The following EHMT1 variants were observed in gnomAD, a reference collection of about 807,000 sequenced individuals.
EHMT1 encodes histone-lysine N-methyltransferase EHMT1.
EHMT1 carries 15 observed loss-of-function variants against 147.2 expected under a neutral mutation model. The ratio of observed to expected loss-of-function variants is 0.10; its 90% CI spans 0.07 to 0.16. The LOEUF is 0.16. EHMT1 is among the 10% of genes least tolerant of loss of function. EHMT1 has a pLI of 1.00. For missense variants in EHMT1, 1,587 were observed against 1,772.4 expected, an observed-to-expected ratio of 0.90 and a Z score of 1.88; for synonymous variants, 795 against 709.6, an observed-to-expected ratio of 1.12 and a Z score of -1.91.
intron 1 of EHMT1, among the ~76,000 whole-genome samples, chr9:137,669,548 CGCACA>C (rs1940271874): frequency 5.4e-5 from 1 of 18,430 alleles, no homozygotes; most frequent in East Asian, 1.3e-3. Flanking sequence ...CAAGACGCCC[CGCACA>C]GCACGTGCAC....
At chr9:137,647,273 CTT>C (rs972532828) in intron 1 of EHMT1, among the ~76,000 whole-genome samples, 8 of 152,162 alleles carry the variant, frequency 5.3e-5, no homozygotes, top group African/African-American at 1.9e-4. Flanking sequence ...AGGCTGACCT[CTT>C]TGCTGTGGCT....
At chr9:137,706,207 C>A (rs1301245848) in intron 1 of EHMT1, among the ~76,000 whole-genome samples, 7 of 152,168 alleles carry the variant, frequency 4.6e-5, no homozygotes, top group Admixed American at 4.6e-4. Flanking sequence ...TAGGTTGGGG[C>A]TCCTGAGGGA....
intron 1 of EHMT1, among the ~76,000 whole-genome samples, chr9:137,674,654 C>T (rs994814185): frequency 1.3e-5 from 2 of 152,202 alleles, no homozygotes; most frequent in Non-Finnish European, 2.9e-5. Flanking sequence ...GTATATTCTT[C>T]CAGTAGTTGT....
chr9:137,761,182 T>G (rs1439137220), intron 9 of EHMT1, among the ~76,000 whole-genome samples: 2 of 152,166 alleles, frequency 1.3e-5, no homozygotes, highest in South Asian at 2.1e-4. Flanking sequence ...AACACCCCAC[T>G]GGTTCATGAC....
At chr9:137,651,661 G>A (rs1937832987) in intron 1 of EHMT1, among the ~76,000 whole-genome samples, 1 of 152,116 alleles carries the variant, frequency 6.6e-6, no homozygotes, top group South Asian at 2.1e-4. Context: ...TGGGCCTGTT[G>A]GCACACACTT....
At chr9:137,675,405 AGGG>A (rs869227496) in intron 1 of EHMT1, among the ~76,000 whole-genome samples, 1 of 111,402 alleles carries the variant, frequency 9.0e-6, no homozygotes, top group Non-Finnish European at 2.1e-5. Context: ...GGTGACCAAT[AGGG>A]GGGTTGGTGT....
chr9:137,658,967 A>C (rs980744706), intron 1 of EHMT1, among the ~76,000 whole-genome samples: 1 of 152,118 alleles, frequency 6.6e-6, no homozygotes, highest in Non-Finnish European at 1.5e-5. Context: ...GCTGGAGTGG[A>C]ACTGCTGAAC....
intron 16 of EHMT1, among the ~76,000 whole-genome samples, chr9:137,793,844 A>G (rs946610773): frequency 5.3e-5 from 8 of 152,202 alleles, no homozygotes; most frequent in Admixed American, 2.0e-4. Context: ...AGGGAGATTC[A>G]TAGAGACAGA....
chr9:137,660,699 CTCTT>C (rs1222807292), intron 1 of EHMT1, among the ~76,000 whole-genome samples: 1 of 152,168 alleles, frequency 6.6e-6, no homozygotes, highest in Non-Finnish European at 1.5e-5. Flanking sequence ...GTATATTTCT[CTCTT>C]CATTTAGTTT....
intron 13 of EHMT1, 114 bp downstream of exon 13, chr9:137,778,169 C>A: frequency 2.3e-6 from 3 of 1,299,106 alleles, no homozygotes; most frequent in South Asian, 1.2e-5. Context: ...TAATGCTGTT[C>A]GTTAGAATAA....
At chr9:137,678,138 C>CTAG (rs1941565662) in intron 1 of EHMT1, among the ~76,000 whole-genome samples, 1 of 152,092 alleles carries the variant, frequency 6.6e-6, no homozygotes, top group African/African-American at 2.4e-5. Flanking sequence ...AGATTAAAAA[C>CTAG]TAGTATATAA....
At chr9:137,797,491 C>T (rs1953060631) in intron 16 of EHMT1, among the ~76,000 whole-genome samples, 1 of 152,192 alleles carries the variant, frequency 6.6e-6, no homozygotes, top group Admixed American at 6.5e-5. Flanking sequence ...GGTGCACCTG[C>T]TTCTGTCCTG....
At chr9:137,800,763 C>A in intron 17 of EHMT1, 117 bp from the exon 18 acceptor site, 1 of 824,630 alleles carries the variant, frequency 1.2e-6, no homozygotes. Context: ...CTGAGTGAGA[C>A]GCCTGCACGA....
Position 137,749,756 on chromosome 9 carries a change from G to C in EHMT1, c.1171-2575G>C, listed in dbSNP as rs529630855. On this transcript the variant is annotated intron_variant, in intron 6 of 26. Coordinates refer to ENST00000460843, the MANE Select transcript of EHMT1 (RefSeq NM_024757.5). Reference sequence around the variant, plus strand: ...CTTCCTTAAAAGTCGCTTTGCCAGAGTTTTGGAAGGAAGTGGAGTTAGCTG... The same window carrying C: ...CTTCCTTAAAAGTCGCTTTGCCAGACTTTTGGAAGGAAGTGGAGTTAGCTG... 7.9e-5 allele frequency among the ~76,000 whole-genome samples: 12 copies of C among 152,340 alleles called. No homozygotes were observed. The South Asian group carries it at 2.5e-3, about 32-fold the overall frequency.
chr9:137,629,912 C>T lies in EHMT1; in HGVS notation c.21+10863C>T, dbSNP rs181655205. On this transcript the variant is annotated intron_variant, in intron 1 of 26. Coordinates refer to ENST00000460843, the MANE Select transcript of EHMT1 (RefSeq NM_024757.5). ...ATTACTTCCAGGACTGAGAATTCTC[C>T]TTTCTTACTGTTTTGCTTCTCTTTA... Among the ~76,000 whole-genome samples, 23 of 152,228 alleles carry T rather than the reference C, an allele frequency of 1.5e-4. No individual in the cohort carries two copies. In the East Asian group the frequency reaches 3.7e-3, roughly 24 times the overall value.
Position 137,776,920 on chromosome 9 carries a change from G to T in EHMT1, c.2018+76G>T. 7.3e-7 allele frequency: 1 copy of T among 1,373,146 alleles called. No individual in the cohort carries two copies. 85.1% of individuals were successfully genotyped at this position (1,373,146 alleles called of 1,614,324 possible). On this transcript the variant is annotated intron_variant, in intron 12 of 26. Transcript: ENST00000460843. This position sits in a 1 kb window ranked among gnomAD's most constrained non-coding sequence, Gnocchi z 4.4. ...TTTCAGTTGTTAACTCAACGTTATT[G>T]CTTCCTGCTGTTTTTTCCAGAAGTC...
At chr9:137,636,269 A>T (rs1445456608) in intron 1 of EHMT1, among the ~76,000 whole-genome samples, 1 of 152,164 alleles carries the variant, frequency 6.6e-6, no homozygotes, top group African/African-American at 2.4e-5. Context: ...TGATTTTTAT[A>T]TATTGGATCT....
In EHMT1 at chr9:137,732,646, C is replaced by G. The variant is rs1023822192; in HGVS notation, c.823+4117C>G. Among the ~76,000 whole-genome samples, 1 of 152,212 alleles carries G rather than the reference C, an allele frequency of 6.6e-6. No homozygotes were observed. Among genetic ancestry groups the G allele is most frequent in the African/African-American group, 2.4e-5 (1 of 41,454 alleles). On this transcript the variant is annotated intron_variant, in intron 4 of 26. Transcript: ENST00000460843. This position sits in a 1 kb window ranked among gnomAD's most constrained non-coding sequence, Gnocchi z 4.6. ...AAAAGGCATCAAGGAAGTTCTCACT[C>G]CAGGTTGTGGATTCTGCCGGGAACT...
intron 25 of EHMT1, chr9:137,820,142 G>C (rs914842189): frequency 6.6e-6 from 1 of 152,188 alleles, no homozygotes; most frequent in African/African-American, 2.4e-5. Flanking sequence ...TCAACCCCAG[G>C]CTCCGTCCCT....
Sources: allele counts gnomAD v4.1 joint callset (sites outside exome capture counted in the v4.1 genomes callset), GRCh38; gene constraint gnomAD v4.1.1; non-coding constraint Gnocchi (gnomAD v3.1); transcripts MANE v1.5; gene names NCBI Gene and HGNC (gene_info 2026-07-23, HGNC 2026-07-21).